ADAMTS20: variants seen among roughly 807,000 people sequenced by gnomAD.
ADAMTS20 encodes the protein ADAM metallopeptidase with thrombospondin type 1 motif 20, also known as A disintegrin and metalloproteinase with thrombospondin motifs 20.
Under a neutral mutation model 260.1 loss-of-function variants are expected in ADAMTS20, and 225 were observed. The observed-to-expected ratio is 0.87, with a 90% CI of 0.78 to 0.97. The LOEUF (loss-of-function observed/expected upper bound fraction) is 0.97, where lower values mean the gene tolerates loss of function less well. Among genes scored for constraint, ADAMTS20 ranks in the 50% least tolerant of loss-of-function variants. The pLI is 0.00. For synonymous variants in ADAMTS20, 802 were observed against 769.5 expected (o/e 1.04, Z -0.70); for missense variants, 2,400 against 2,337.7 (o/e 1.03, Z -0.55).
rs562722144 is a variant in ADAMTS20 at position 43,488,152 on chromosome 12, G to C, written c.1117+2243C>G. Among the ~76,000 whole-genome samples the C allele has an allele frequency of 3.9e-5, 6 of 152,078 alleles. No individual in the cohort carries two copies. In the East Asian group the frequency reaches 9.7e-4, roughly 25 times the overall value. ...TTAGAGTGGTTCAATTTGGGGAGTTGAGCGAGGGAAGAAAAGATGTTAAAA... is the reference window on the plus strand; with the variant it reads ...TTAGAGTGGTTCAATTTGGGGAGTTCAGCGAGGGAAGAAAAGATGTTAAAA... On this transcript the variant is annotated intron_variant, in intron 7 of 38. Coordinates refer to ENST00000389420, the MANE Select transcript of ADAMTS20 (RefSeq NM_025003.5).
At position 43,410,180 on chromosome 12, in the gene ADAMTS20, C is replaced by T. The variant is rs546833273; in HGVS notation, c.4285-10947G>A. 3.0e-4 allele frequency among the ~76,000 whole-genome samples: 46 copies of T among 151,816 alleles called. 1 individual carries two copies. The highest frequency in any genetic ancestry group is 2.2e-3 in the Admixed American group (33 of 15,240). ...AGAGGGTAAACCAAAAAAAGAGAAA[C>T]ATATGTGATGTAAGAAAAAGTTATC... On this transcript the variant is annotated intron_variant, in intron 28 of 38. Transcript: ENST00000389420.
intron 28 of ADAMTS20, among the ~76,000 whole-genome samples, chr12:43,405,230 A>C (rs4570650): frequency 0.065 from 1,328 of 20,388 alleles, 30 homozygotes; most frequent in East Asian, 0.5. Context: ...TCATCTCTAC[A>C]AAAAAAAAAA....
intron 29 of ADAMTS20, among the ~76,000 whole-genome samples, chr12:43,387,616 T>C (rs1940507855): frequency 6.6e-6 from 1 of 152,198 alleles, no homozygotes; most frequent in African/African-American, 2.4e-5. Context: ...TTGCTCTGTC[T>C]CAGGGAGATG....
chr12:43,366,459 C>T (rs976548269), intron 37 of ADAMTS20, among the ~76,000 whole-genome samples: 6 of 151,578 alleles, frequency 4.0e-5, no homozygotes, highest in Admixed American at 2.6e-4. Flanking sequence ...CAATATAAAC[C>T]AATAAGGTCT....
chr12:43,381,969 T>TG (rs1198481328), intron 31 of ADAMTS20, among the ~76,000 whole-genome samples: 4 of 151,936 alleles, frequency 2.6e-5, no homozygotes, highest in African/African-American at 9.7e-5. Flanking sequence ...AAAAGATGGA[T>TG]TATAACAAGT....
At position 43,446,721 on chromosome 12, in the gene ADAMTS20, C is replaced by T. The variant is rs776146413; in HGVS notation, c.2080-9G>A. ...TGATCACAACCAGCTGCCTTCAAGA[C>T]ACAATTACAATCAATATTATAAGAA... On this transcript the variant is annotated splice_polypyrimidine_tract_variant and intron_variant, in intron 14 of 38. Transcript: ENST00000389420. 5.0e-6 allele frequency: 8 copies of T among 1,598,946 alleles called. No individual in the cohort carries two copies. Among genetic ancestry groups the T allele is most frequent in the Non-Finnish European group, 6.9e-6 (8 of 1,167,036 alleles).
chr12:43,477,056 A>T (rs1318623577), intron 7 of ADAMTS20, among the ~76,000 whole-genome samples: 4 of 146,776 alleles, frequency 2.7e-5, no homozygotes, highest in Admixed American at 6.8e-5. Flanking sequence ...CTCTAAATAA[A>T]AAAAAAAAAA....
chr12:43,402,373 TA>T (rs1236283983), intron 28 of ADAMTS20, among the ~76,000 whole-genome samples: 1 of 152,040 alleles, frequency 6.6e-6, no homozygotes, highest in Non-Finnish European at 1.5e-5. Flanking sequence ...CAAAGAATTA[TA>T]AAATAAATTA....
At chr12:43,396,652 T>C (rs1160684194) in intron 29 of ADAMTS20, among the ~76,000 whole-genome samples, 3 of 152,174 alleles carry the variant, frequency 2.0e-5, no homozygotes, top group East Asian at 3.8e-4. Flanking sequence ...TAAAAAAGCA[T>C]CTATTTTTTA....
chr12:43,499,735 C>A (rs1050552881), intron 4 of ADAMTS20, among the ~76,000 whole-genome samples: 4 of 152,088 alleles, frequency 2.6e-5, no homozygotes, highest in African/African-American at 7.2e-5. Flanking sequence ...TATCTCTTGA[C>A]CTCATGATCC....
intron 2 of ADAMTS20, among the ~76,000 whole-genome samples, chr12:43,541,809 C>T (rs1251410480): frequency 6.6e-6 from 1 of 152,140 alleles, no homozygotes; most frequent in Non-Finnish European, 1.5e-5. Context: ...CTCTTCTCTT[C>T]TCTAGCAGCA....
In ADAMTS20 at chr12:43,376,631, C is replaced by G. The variant is rs1940235439; in HGVS notation, c.5018G>C (p.Gly1673Ala). 3 of 1,612,558 alleles carry G rather than the reference C, an allele frequency of 1.9e-6. No homozygotes were observed. Among genetic ancestry groups the G allele is most frequent in the African/African-American group, 2.7e-5 (2 of 74,844 alleles). The change falls in exon 33 of 39, where the codon GGG (glycine) becomes GCG (alanine). Residue 1673 changes from glycine (G) to alanine (A), a missense_variant. Coordinates refer to ENST00000389420, the MANE Select transcript of ADAMTS20 (RefSeq NM_025003.5). ...WSKCSVTCGI[G>A]IMKRQVKCIT... is the part of the protein sequence containing the mutation. ...GCATTTCACTTGTCTCTTCATTATC[C>G]CAATTCCACAAGTCACTGAGCACTG...
At chr12:43,485,852 A>T (rs1010065899) in intron 7 of ADAMTS20, among the ~76,000 whole-genome samples, 2 of 152,178 alleles carry the variant, frequency 1.3e-5, no homozygotes, top group African/African-American at 4.8e-5. Context: ...AATACCTAGG[A>T]ATACACTTAA....
chr12:43,370,092 A>G (rs1207289891), intron 36 of ADAMTS20, among the ~76,000 whole-genome samples: 1 of 152,160 alleles, frequency 6.6e-6, no homozygotes, highest in Non-Finnish European at 1.5e-5. Context: ...CACCTCCACT[A>G]TGTATTCCAA....
intron 18 of ADAMTS20, among the ~76,000 whole-genome samples, chr12:43,438,118 T>C (rs997696616): frequency 6.6e-6 from 1 of 152,080 alleles, no homozygotes; most frequent in African/African-American, 2.4e-5. Context: ...AAAGAAATAA[T>C]AGTTGCTTTT....
At chr12:43,435,828 G>T (rs750538286) in intron 18 of ADAMTS20, among the ~76,000 whole-genome samples, 25 of 151,922 alleles carry the variant, frequency 1.6e-4, no homozygotes, top group Non-Finnish European at 3.4e-4. Flanking sequence ...TTGCATGCAG[G>T]ATAACTACAG....
At chr12:43,507,493 A>T (rs1032390826) in intron 3 of ADAMTS20, among the ~76,000 whole-genome samples, 1 of 152,214 alleles carries the variant, frequency 6.6e-6, no homozygotes, top group African/African-American at 2.4e-5. Flanking sequence ...CTAGCAGAAG[A>T]ACAAATCCCA....
At chr12:43,488,856 G>A (rs557982045) in intron 7 of ADAMTS20, among the ~76,000 whole-genome samples, 1 of 152,198 alleles carries the variant, frequency 6.6e-6, no homozygotes, top group South Asian at 2.1e-4. Context: ...TGTTTTGACT[G>A]TTGCCTTTGG....
chr12:43,402,351 A>G (rs1940826290), intron 28 of ADAMTS20, among the ~76,000 whole-genome samples: 1 of 152,060 alleles, frequency 6.6e-6, no homozygotes, highest in South Asian at 2.1e-4. Flanking sequence ...ATGTTAGAAA[A>G]AAATACAAAA....
Sources: gnomAD v4.1 joint callset for allele counts (sites outside exome capture counted in the v4.1 genomes callset) on GRCh38, gnomAD v4.1.1 for gene constraint, MANE v1.5 for transcripts, NCBI Gene and HGNC (gene_info 2026-07-23, HGNC 2026-07-21) for gene names.